Variants in ITGA9 observed in about 807,000 individuals in gnomAD.
The protein encoded by ITGA9 is integrin subunit alpha 9.
ITGA9 carries 56 observed loss-of-function variants against 127.8 expected under a neutral mutation model. That is an observed-to-expected ratio of 0.44 (90% CI 0.35 to 0.55). ITGA9 has a LOEUF of 0.55. Among genes scored for constraint, ITGA9 ranks in the 20% least tolerant of loss-of-function variants. ITGA9 has a pLI of 0.00. For synonymous variants in ITGA9, 508 were observed against 514.5 expected (o/e 0.99, Z 0.17); for missense variants, 1,196 against 1,347.1 (o/e 0.89, Z 1.76).
intron 15 of ITGA9, among the ~76,000 whole-genome samples, chr3:37,552,901 G>T (rs1025520936): frequency 6.6e-6 from 1 of 151,838 alleles, no homozygotes; most frequent in Non-Finnish European, 1.5e-5. Flanking sequence ...TGTAATCCCA[G>T]CTACTCTGGA....
chr3:37,753,407 C>T (rs1696613334), intron 23 of ITGA9, among the ~76,000 whole-genome samples: 1 of 152,174 alleles, frequency 6.6e-6, no homozygotes. Context: ...TACAAAGGTT[C>T]AGTGCTTCAC....
rs918805667 is a variant in ITGA9, at chr3:37,803,902, G to C, written c.2969G>C (p.Gly990Ala). The C allele has an allele frequency of 6.2e-7, 1 of 1,614,182 alleles. No homozygotes were observed. The highest frequency in any genetic ancestry group is 1.3e-5 in the African/African-American group (1 of 75,032). Reference protein sequence around the residue: ...GWIIAISLLVGILIFLLLAVL... With the variant: ...GWIIAISLLVAILIFLLLAVL... ...ATCATCGCCATCAGTTTGTTGGTGGGAATCCTCATCTTCCTGCTGCTGGCC... is the reference window on the plus strand; with the variant it reads ...ATCATCGCCATCAGTTTGTTGGTGGCAATCCTCATCTTCCTGCTGCTGGCC... Residue 990 changes from glycine (G) to alanine (A), a missense_variant, in exon 27 of 28, where the codon GGA (glycine) becomes GCA (alanine). By Grantham distance (60) the Gly-to-Ala change is moderately conservative. Transcript: ENST00000264741.
intron 16 of ITGA9, among the ~76,000 whole-genome samples, chr3:37,645,043 A>G (rs1227917662): frequency 1.3e-5 from 2 of 152,126 alleles, no homozygotes; most frequent in African/African-American, 2.4e-5. Context: ...CAGAATTGGG[A>G]GGGAGAAACC....
chr3:37,704,215 T>C (rs950548840), intron 18 of ITGA9, among the ~76,000 whole-genome samples: 4 of 152,180 alleles, frequency 2.6e-5, no homozygotes, highest in African/African-American at 9.7e-5. Context: ...ATGAATTTTC[T>C]GAGACAGCTG....
chr3:37,740,444 G>A (rs1402066770), intron 20 of ITGA9, among the ~76,000 whole-genome samples: 3 of 152,160 alleles, frequency 2.0e-5, no homozygotes, highest in African/African-American at 7.2e-5. Flanking sequence ...AGGGAAACTA[G>A]GTCTTCTCTC....
intron 18 of ITGA9, among the ~76,000 whole-genome samples, chr3:37,708,307 C>T (rs939215839): frequency 2.0e-5 from 3 of 152,120 alleles, no homozygotes; most frequent in African/African-American, 7.2e-5. Flanking sequence ...GAAATCTAGG[C>T]CTGGAACAGA....
At chr3:37,640,377 G>A (rs573359423) in intron 16 of ITGA9, among the ~76,000 whole-genome samples, 10 of 152,248 alleles carry the variant, frequency 6.6e-5, no homozygotes, top group Admixed American at 3.3e-4. Context: ...ACGAGAATGT[G>A]GACAACCTTA....
At chr3:37,802,727 A>G (rs1043497738) in intron 26 of ITGA9, among the ~76,000 whole-genome samples, 4 of 152,174 alleles carry the variant, frequency 2.6e-5, no homozygotes, top group Non-Finnish European at 4.4e-5. Context: ...ATGTTTAACA[A>G]TCAGTTCTCT....
intron 1 of ITGA9, among the ~76,000 whole-genome samples, chr3:37,461,137 T>G (rs963780230): frequency 1.3e-5 from 2 of 152,098 alleles, no homozygotes; most frequent in African/African-American, 2.4e-5. Context: ...GGGTGGATGT[T>G]CCAGATTCAG....
At chr3:37,706,440 T>A (rs1453504521) in intron 18 of ITGA9, among the ~76,000 whole-genome samples, 8 of 152,176 alleles carry the variant, frequency 5.3e-5, no homozygotes, top group Admixed American at 5.2e-4. Context: ...GTGGTTTATT[T>A]GAGTAGCGCC....
chr3:37,588,154 T>A (rs553821598), intron 15 of ITGA9, among the ~76,000 whole-genome samples: 65 of 152,352 alleles, frequency 4.3e-4, no homozygotes, highest in African/African-American at 1.4e-3. Context: ...TATCTAAATA[T>A]TTAAAGATTA....
intron 15 of ITGA9, among the ~76,000 whole-genome samples, chr3:37,614,474 G>C (rs1179977307): frequency 6.6e-6 from 1 of 151,610 alleles, no homozygotes; most frequent in Non-Finnish European, 1.5e-5. Flanking sequence ...ATATGAACTT[G>C]AAAGTAGTTT....
chr3:37,606,634 C>T (rs907890234), intron 15 of ITGA9, among the ~76,000 whole-genome samples: 1 of 152,150 alleles, frequency 6.6e-6, no homozygotes, highest in African/African-American at 2.4e-5. Flanking sequence ...TTGTGTTGGA[C>T]AGTTATGGGG....
chr3:37,725,980 C>T (rs1696187731), intron 18 of ITGA9, among the ~76,000 whole-genome samples: 1 of 152,232 alleles, frequency 6.6e-6, no homozygotes, highest in African/African-American at 2.4e-5. Flanking sequence ...ATGGCTCAAG[C>T]CCGAAGGATT....
At chr3:37,562,887 C>G (rs1477090107) in intron 15 of ITGA9, among the ~76,000 whole-genome samples, 1 of 151,746 alleles carries the variant, frequency 6.6e-6, no homozygotes, top group Non-Finnish European at 1.5e-5. Flanking sequence ...CCAAGGTAGT[C>G]TGGCAAGAAA....
intron 4 of ITGA9, among the ~76,000 whole-genome samples, chr3:37,485,637 G>T (rs927405122): frequency 7.9e-5 from 12 of 152,128 alleles, no homozygotes; most frequent in Non-Finnish European, 1.8e-4. Context: ...AGGTCGGTTT[G>T]GTTGCAGAGA....
At chr3:37,574,380 C>A (rs1044803331) in intron 15 of ITGA9, among the ~76,000 whole-genome samples, 6 of 152,220 alleles carry the variant, frequency 3.9e-5, no homozygotes, top group Non-Finnish European at 8.8e-5. Flanking sequence ...CTATTGCTTT[C>A]TGACCTTTGG....
chr3:37,453,123 C>A (rs924313696), intron 1 of ITGA9, among the ~76,000 whole-genome samples: 2 of 151,118 alleles, frequency 1.3e-5, no homozygotes, highest in East Asian at 4.1e-4. Flanking sequence ...GCGCCCCCCC[C>A]CCCCCCCAGC....
intron 21 of ITGA9, among the ~76,000 whole-genome samples, chr3:37,742,683 A>G (rs1575216629): frequency 6.6e-6 from 1 of 152,168 alleles, no homozygotes; most frequent in South Asian, 2.1e-4. Context: ...TCGGTTTTCA[A>G]GTGCTTCTGG....
Sources: gnomAD v4.1 joint callset for allele counts (sites outside exome capture counted in the v4.1 genomes callset) on GRCh38, gnomAD v4.1.1 for gene constraint, MANE v1.5 for transcripts, NCBI Gene and HGNC (gene_info 2026-07-23, HGNC 2026-07-21) for gene names.